Variants in KIAA1217 observed in about 807,000 individuals in gnomAD.
KIAA1217 encodes the protein KIAA1217.
A neutral mutation model predicts 163.9 loss-of-function variants in KIAA1217; 88 were observed. That is an observed-to-expected ratio of 0.54 (90% CI 0.45 to 0.64). KIAA1217 has a LOEUF of 0.64. KIAA1217 is among the 30% of genes least tolerant of loss of function. KIAA1217 has a pLI of 0.00. For missense variants in KIAA1217, 2,372 were observed against 2,475.0 expected, an observed-to-expected ratio of 0.96 and a Z score of 0.88; for synonymous variants, 903 against 923.1, an observed-to-expected ratio of 0.98 and a Z score of 0.39.
intron 1 of KIAA1217, among the ~76,000 whole-genome samples, chr10:23,827,393 A>T (rs1837945558): frequency 6.6e-6 from 1 of 152,174 alleles, no homozygotes; most frequent in African/African-American, 2.4e-5. Context: ...CTGTCCTTAT[A>T]TTATTATTGG....
At chr10:24,164,950 G>A (rs529535020) in intron 2 of KIAA1217, among the ~76,000 whole-genome samples, 12 of 152,310 alleles carry the variant, frequency 7.9e-5, no homozygotes, top group East Asian at 5.8e-4. Flanking sequence ...GAAGCCAAGG[G>A]AAGATTGCAT....
intron 2 of KIAA1217, among the ~76,000 whole-genome samples, chr10:24,067,334 T>C (rs1015293574): frequency 1.3e-5 from 2 of 152,236 alleles, no homozygotes; most frequent in Non-Finnish European, 2.9e-5. Context: ...ATGGATGTCC[T>C]TTCTGTTTGT....
chr10:24,302,693 AT>A (rs2041514020), intron 2 of KIAA1217, among the ~76,000 whole-genome samples: 1 of 152,182 alleles, frequency 6.6e-6, no homozygotes, highest in Non-Finnish European at 1.5e-5. Flanking sequence ...TGAAAAAAAA[AT>A]AAGACAGTGT....
chr10:23,934,485 G>T (rs1174225326), intron 1 of KIAA1217, among the ~76,000 whole-genome samples: 1 of 135,816 alleles, frequency 7.4e-6, no homozygotes, highest in Admixed American at 7.5e-5. Context: ...TTCTGCACAT[G>T]TATCTCATTT....
At chr10:23,985,025 T>C (rs748246009) in intron 1 of KIAA1217, among the ~76,000 whole-genome samples, 14 of 152,134 alleles carry the variant, frequency 9.2e-5, no homozygotes, top group Non-Finnish European at 1.8e-4. Flanking sequence ...TGGCTCTCTA[T>C]AGACTAAAAG....
chr10:23,824,495 A>AG (rs1491534648), intron 1 of KIAA1217, among the ~76,000 whole-genome samples: 5 of 76,278 alleles, frequency 6.6e-5, no homozygotes, highest in Non-Finnish European at 9.9e-5. Context: ...CAGCATGGTG[A>AG]CATGGGCCTC....
chr10:23,724,494 C>G (rs950943304), intron 1 of KIAA1217, among the ~76,000 whole-genome samples: 2 of 151,756 alleles, frequency 1.3e-5, no homozygotes, highest in South Asian at 4.2e-4. Context: ...TGCCTTTTAT[C>G]TTTTTCAAAA....
chr10:24,077,388 G>A (rs1002656599), intron 2 of KIAA1217, among the ~76,000 whole-genome samples: 4 of 152,104 alleles, frequency 2.6e-5, no homozygotes, highest in Admixed American at 2.6e-4. Flanking sequence ...CCTACCGTGT[G>A]TTCTCATCAT....
chr10:23,868,231 C>T (rs538656910), intron 1 of KIAA1217, among the ~76,000 whole-genome samples: 1 of 152,178 alleles, frequency 6.6e-6, no homozygotes, highest in South Asian at 2.1e-4. Context: ...CAAAATAACT[C>T]CTGGGTACAT....
At chr10:24,292,704 A>G (rs2079205349) in intron 2 of KIAA1217, among the ~76,000 whole-genome samples, 1 of 152,186 alleles carries the variant, frequency 6.6e-6, no homozygotes, top group South Asian at 2.1e-4. Flanking sequence ...ATGGTAAGGA[A>G]AAACTGCTGA....
At chr10:24,219,944 C>T (rs778877435) in intron 2 of KIAA1217, 35 bp downstream of exon 2, 12 of 1,544,166 alleles carry the variant, frequency 7.8e-6, no homozygotes, top group East Asian at 2.3e-5. Flanking sequence ...TTGTGTAGCT[C>T]GCTCTCTAAT....
intron 2 of KIAA1217, among the ~76,000 whole-genome samples, chr10:24,046,813 G>A (rs988322867): frequency 6.6e-6 from 1 of 152,168 alleles, no homozygotes; most frequent in Non-Finnish European, 1.5e-5. Context: ...AGTAGAGCCG[G>A]AATTCTAATT....
intron 2 of KIAA1217, among the ~76,000 whole-genome samples, chr10:24,329,617 C>A (rs781564524): frequency 9.2e-5 from 14 of 152,118 alleles, no homozygotes; most frequent in Non-Finnish European, 1.3e-4. Context: ...TTTAACTACT[C>A]GGAACCTAGA....
chr10:23,965,368 T>A (rs1455348039), intron 1 of KIAA1217, among the ~76,000 whole-genome samples: 1 of 152,188 alleles, frequency 6.6e-6, no homozygotes, highest in African/African-American at 2.4e-5. Flanking sequence ...AAATGCCCTA[T>A]AAGGCCTCTT....
chr10:24,359,093 T>TG (rs2049579873), intron 2 of KIAA1217, among the ~76,000 whole-genome samples: 1 of 142,804 alleles, frequency 7.0e-6, no homozygotes, highest in Non-Finnish European at 1.5e-5. Context: ...TTTTTTTTTT[T>TG]TTTTTTGTTT....
intron 2 of KIAA1217, among the ~76,000 whole-genome samples, chr10:24,316,810 A>G (rs1023546600): frequency 2.0e-5 from 3 of 152,218 alleles, no homozygotes; most frequent in African/African-American, 7.2e-5. Flanking sequence ...GCCAGAGATT[A>G]GATGCCTACA....
At chr10:24,403,787 T>TA (rs2056850075) in intron 3 of KIAA1217, among the ~76,000 whole-genome samples, 1 of 151,960 alleles carries the variant, frequency 6.6e-6, no homozygotes, top group African/African-American at 2.4e-5. Context: ...AAATGCAAAT[T>TA]AAAACCACAG....
At chr10:24,306,439 C>A (rs2042012867) in intron 2 of KIAA1217, among the ~76,000 whole-genome samples, 1 of 152,198 alleles carries the variant, frequency 6.6e-6, no homozygotes, top group African/African-American at 2.4e-5. Context: ...CTCTTACCAG[C>A]AATAGGGGTT....
intron 1 of KIAA1217, among the ~76,000 whole-genome samples, chr10:23,762,929 T>TA (rs1057357214): frequency 3.9e-5 from 6 of 152,098 alleles, no homozygotes; most frequent in African/African-American, 1.4e-4. Context: ...TCTCAGGATA[T>TA]AAAATCAATG....
Sources: gnomAD v4.1 joint callset for allele counts (sites outside exome capture counted in the v4.1 genomes callset) on GRCh38, gnomAD v4.1.1 for gene constraint, MANE v1.5 for transcripts, NCBI Gene and HGNC (gene_info 2026-07-23, HGNC 2026-07-21) for gene names.